Variants in TCF25 observed in about 807,000 individuals in gnomAD.
TCF25 encodes ribosome quality control complex subunit TCF25.
In TCF25, 41 loss-of-function variants were observed where a neutral mutation model predicts 83.1. The ratio of observed to expected loss-of-function variants is 0.49; its 90% CI spans 0.38 to 0.64. The LOEUF (loss-of-function observed/expected upper bound fraction) is 0.64, where lower values mean the gene tolerates loss of function less well. TCF25 is among the 30% of genes least tolerant of loss of function. TCF25 has a pLI of 0.00. For synonymous variants in TCF25, 458 were observed against 365.0 expected, an observed-to-expected ratio of 1.25 and a Z score of -2.90; for missense variants, 979 against 914.5, an observed-to-expected ratio of 1.07 and a Z score of -0.91.
chr16:89,907,126 CTA>C lies in TCF25; in HGVS notation c.1720-115_1720-114del, dbSNP rs2044859315. On this transcript the variant is annotated intron_variant, in intron 15 of 17. Coordinates refer to ENST00000263346, the MANE Select transcript of TCF25 (RefSeq NM_014972.3). ...CAGCCGTTTCTGTCAGACTCTGTGG[CTA>C]TCTCTCAGCAGATGCATCCAGTCCA... 7 of 1,017,964 alleles carry C rather than the reference CTA, an allele frequency of 6.9e-6. No homozygotes were observed. In the Admixed American group the frequency reaches 9.0e-5, roughly 13 times the overall value. The allele number at this position is 1,017,964 out of a possible 1,614,324, so 63.1% of individuals were successfully genotyped here.
chr16:89,906,068 T>C (rs2044752089), intron 14 of TCF25, 126 bp from the exon 15 acceptor site: 9 of 825,252 alleles, frequency 1.1e-5, no homozygotes, highest in Non-Finnish European at 1.7e-5. Flanking sequence ...GTGTACAGTT[T>C]TTGCAGCCAC....
At chr16:89,904,264 C>T (rs2044589664) in intron 13 of TCF25, 59 bp downstream of exon 13, 1 of 1,528,384 alleles carries the variant, frequency 6.5e-7, no homozygotes, top group African/African-American at 1.4e-5. Flanking sequence ...GCCTGGGAGC[C>T]ATTTTCACTC....
Position 89,907,250 on chromosome 16 carries a change from CCA to C in TCF25, c.1729_1730del (p.Thr577AlafsTer7). ...TTATGTCCCTTTCTGAAGGACGTGA[CCA>C]CGCAGTCTGTGATGGGGTTTGATCC... On this transcript the variant is annotated frameshift_variant, in exon 16 of 18. Coordinates refer to ENST00000263346, the MANE Select transcript of TCF25 (RefSeq NM_014972.3). LOFTEE classifies it high-confidence loss of function. The C allele has an allele frequency of 6.2e-7, 1 of 1,612,864 alleles. No individual in the cohort carries two copies. Among genetic ancestry groups the C allele is most frequent in the Non-Finnish European group, 8.5e-7 (1 of 1,179,358 alleles).
chr16:89,903,722 G>A (rs545963289), intron 12 of TCF25, among the ~76,000 whole-genome samples: 3 of 152,254 alleles, frequency 2.0e-5, no homozygotes, highest in Admixed American at 1.3e-4. Context: ...CAGGAGAATC[G>A]CTTGAGCCTG....
intron 13 of TCF25, chr16:89,904,436 A>G (rs1160461010): frequency 3.4e-6 from 2 of 584,554 alleles, no homozygotes; most frequent in Admixed American, 3.0e-5. Flanking sequence ...CGAGGCTCAT[A>G]TAAAGAGGGT....
intron 16 of TCF25, chr16:89,908,978 G>A: frequency 7.8e-7 from 1 of 1,289,500 alleles, no homozygotes; most frequent in Non-Finnish European, 1.0e-6. Flanking sequence ...AGGGAGAGGA[G>A]GAGAGGAACA....
intron 16 of TCF25, 170 bp from the exon 17 acceptor site, chr16:89,910,421 C>G (rs558754751): frequency 3.0e-6 from 2 of 658,290 alleles, no homozygotes; most frequent in Admixed American, 2.5e-5. Flanking sequence ...GGAAGCCTCA[C>G]GGGCCACCCG....
At chr16:89,891,468 C>T (rs1036641470) in intron 5 of TCF25, among the ~76,000 whole-genome samples, 7 of 152,324 alleles carry the variant, frequency 4.6e-5, no homozygotes, top group Admixed American at 3.3e-4. Flanking sequence ...TGATGGTGAC[C>T]GTGGGCATGG....
At position 89,911,329 on chromosome 16, in the gene TCF25, G is replaced by C. The variant is rs1036701951; in HGVS notation, c.*91G>C. ...GCCAGTTGCCTGAAGTAGGGAAGCT[G>C]AGTGTGTCGCTCCCTGGTCCACTGT... On this transcript the variant is annotated 3_prime_UTR_variant, in exon 18 of 18. Transcript: ENST00000263346. 47 of 1,526,436 alleles carry C rather than the reference G, an allele frequency of 3.1e-5. No homozygotes were observed. Among genetic ancestry groups the C allele is most frequent in the Non-Finnish European group, 3.8e-5 (42 of 1,116,248 alleles). 94.6% of individuals were successfully genotyped at this position (1,526,436 alleles called of 1,614,324 possible).
intron 9 of TCF25, 64 bp from the exon 10 acceptor site, chr16:89,898,493 G>T: frequency 6.5e-7 from 1 of 1,548,996 alleles, no homozygotes; most frequent in Admixed American, 1.7e-5. Flanking sequence ...GCTGGCCGGG[G>T]CGCTGAGCAG....
chr16:89,903,450 C>T (rs903386510), intron 12 of TCF25, among the ~76,000 whole-genome samples: 6 of 152,236 alleles, frequency 3.9e-5, no homozygotes, highest in African/African-American at 1.4e-4. Context: ...GCAGGAGGAT[C>T]GCTTGAGCAT....
intron 5 of TCF25, among the ~76,000 whole-genome samples, chr16:89,891,251 C>A (rs2043403873): frequency 6.6e-6 from 1 of 152,192 alleles, no homozygotes; most frequent in African/African-American, 2.4e-5. Flanking sequence ...TCAGGCCATC[C>A]CTGGGATTCT....
chr16:89,900,259 CAGTGGGCTGCTCTCACAGACTCGCGCGGG>C (rs2044211124), intron 11 of TCF25, among the ~76,000 whole-genome samples: 2 of 136,716 alleles, frequency 1.5e-5, no homozygotes, highest in Non-Finnish European at 1.7e-5. Context: ...ACTCGCGCGG[CAGTGGGCTGCTCTCACAGACTCGCGCGGG>C]GGTGGGCTGC....
chr16:89,905,850 G>A (rs79954830), intron 14 of TCF25, among the ~76,000 whole-genome samples: 6 of 152,340 alleles, frequency 3.9e-5, no homozygotes, highest in East Asian at 1.9e-4. Context: ...GCCTGTAGCC[G>A]TAGCAGTGAC....
chr16:89,883,169 A>T (rs2042733748), intron 1 of TCF25, among the ~76,000 whole-genome samples, 182 bp from the exon 2 acceptor site: 1 of 152,120 alleles, frequency 6.6e-6, no homozygotes, highest in African/African-American at 2.4e-5. Context: ...AGTCCCCCTG[A>T]GCCAGAGCTG....
intron 6 of TCF25, 21 bp downstream of exon 6, chr16:89,892,296 C>T: frequency 1.9e-6 from 3 of 1,600,834 alleles, no homozygotes; most frequent in South Asian, 1.1e-5. Context: ...GCAGATGCTG[C>T]TGGGGATGGA....
At chr16:89,905,225 G>C in intron 14 of TCF25, 129 bp downstream of exon 14, 1 of 1,295,330 alleles carries the variant, frequency 7.7e-7, no homozygotes, top group Admixed American at 2.8e-5. Context: ...TGTGGGGCCT[G>C]TGTGGAGCCT....
intron 2 of TCF25, 130 bp downstream of exon 2, chr16:89,883,642 T>C: frequency 9.1e-7 from 1 of 1,102,736 alleles, no homozygotes; most frequent in Non-Finnish European, 1.3e-6. Flanking sequence ...ACCTGCTAGT[T>C]GCCCCCAAAT....
At chr16:89,894,497 C>G (rs1340369907) in intron 7 of TCF25, among the ~76,000 whole-genome samples, 1 of 152,224 alleles carries the variant, frequency 6.6e-6, no homozygotes, top group Non-Finnish European at 1.5e-5. Context: ...CTGCTGCTTT[C>G]CATTCCTCTT....
Sources: allele counts gnomAD v4.1 joint callset (sites outside exome capture counted in the v4.1 genomes callset), GRCh38; gene constraint gnomAD v4.1.1; transcripts MANE v1.5; gene names NCBI Gene and HGNC (gene_info 2026-07-23, HGNC 2026-07-21).